Variants in KCNH8 observed in about 807,000 individuals in gnomAD.
KCNH8 encodes the protein potassium voltage-gated channel subfamily H member 8.
KCNH8 carries 70 observed loss-of-function variants against 103.6 expected under a neutral mutation model. That is an observed-to-expected ratio of 0.68 (90% CI 0.56 to 0.82). The LOEUF is 0.82. Ranked by LOEUF, KCNH8 falls within the 40% of genes least tolerant of loss-of-function variation. KCNH8 has a pLI of 0.00. For missense variants in KCNH8, 1,217 were observed against 1,329.9 expected (o/e 0.92, Z 1.32); for synonymous variants, 498 against 489.4 (o/e 1.02, Z -0.23).
intron 2 of KCNH8, among the ~76,000 whole-genome samples, chr3:19,257,798 A>C (rs373518834): frequency 3.3e-5 from 5 of 152,196 alleles, no homozygotes; most frequent in African/African-American, 9.6e-5. Context: ...GAGTGGCTTA[A>C]ACAACAGAAA....
At chr3:19,208,219 C>T (rs1447203575) in intron 1 of KCNH8, among the ~76,000 whole-genome samples, 4 of 151,946 alleles carry the variant, frequency 2.6e-5, no homozygotes, top group African/African-American at 4.8e-5. Context: ...AGGAGCTAAG[C>T]AAAATGCTGG....
intron 1 of KCNH8, among the ~76,000 whole-genome samples, chr3:19,161,713 A>G (rs2063236155): frequency 6.6e-6 from 1 of 152,186 alleles, no homozygotes; most frequent in East Asian, 1.9e-4. Context: ...GCAATTGTAA[A>G]TTTTTGTAGA....
rs1389583562 is a variant in KCNH8 at position 19,346,303 on chromosome 3, A to G, written c.571-1422A>G. Among the ~76,000 whole-genome samples the G allele has an allele frequency of 2.0e-5, 3 of 152,102 alleles. No individual in the cohort carries two copies. The East Asian group carries it at 5.8e-4, about 29-fold the overall frequency. On this transcript the variant is annotated intron_variant, in intron 4 of 15. Transcript: ENST00000328405. ...CATCTCCCCTTCTCTGTTTTATGCC[A>G]AAGTCTACCTTTGGAACTGGTTTCT... is the stretch of plus-strand genomic sequence containing the variant.
chr3:19,316,120 G>A (rs1360165477), intron 3 of KCNH8, among the ~76,000 whole-genome samples: 1 of 151,868 alleles, frequency 6.6e-6, no homozygotes, highest in African/African-American at 2.4e-5. Flanking sequence ...TAATTTTTTG[G>A]TTGAATTTTA....
chr3:19,395,535 A>G (rs79684319), intron 7 of KCNH8, among the ~76,000 whole-genome samples: 17,026 of 152,080 alleles, frequency 0.11, 1,189 homozygotes, highest in Middle Eastern at 0.2. Flanking sequence ...AAACTGAGAA[A>G]TTTTATATAT....
At chr3:19,246,274 G>GTTTTTTTTTTTTTTTTTTT (rs920423108) in intron 1 of KCNH8, among the ~76,000 whole-genome samples, 8 of 86,348 alleles carry the variant, frequency 9.3e-5, no homozygotes, top group Non-Finnish European at 1.6e-4. Flanking sequence ...TGTTGTTGTT[G>GTTTTTTTTTTTTTTTTTTT]TTTTTTTTTT....
chr3:19,308,215 A>G (rs1413398266), intron 3 of KCNH8, among the ~76,000 whole-genome samples: 1 of 151,808 alleles, frequency 6.6e-6, no homozygotes, highest in African/African-American at 2.4e-5. Context: ...CTACTTATAT[A>G]TTAGAAGGTC....
intron 1 of KCNH8, among the ~76,000 whole-genome samples, chr3:19,196,501 C>T (rs1370784441): frequency 4.0e-5 from 6 of 151,562 alleles, no homozygotes; most frequent in Non-Finnish European, 5.9e-5. Context: ...ACCTAGATTT[C>T]CTTTAGCACA....
intron 4 of KCNH8, among the ~76,000 whole-genome samples, chr3:19,345,922 T>G (rs1164077486): frequency 1.3e-5 from 2 of 152,122 alleles, no homozygotes; most frequent in Admixed American, 1.3e-4. Flanking sequence ...TGAACTTTTG[T>G]GACAGAATCA....
At chr3:19,455,420 G>A (rs908101425) in intron 10 of KCNH8, among the ~76,000 whole-genome samples, 1 of 152,034 alleles carries the variant, frequency 6.6e-6, no homozygotes, top group African/African-American at 2.4e-5. Flanking sequence ...CAATGAAAGA[G>A]TAACTGATTA....
At chr3:19,296,609 G>T (rs2064999509) in intron 3 of KCNH8, among the ~76,000 whole-genome samples, 2 of 152,138 alleles carry the variant, frequency 1.3e-5, no homozygotes, top group South Asian at 2.1e-4. Context: ...GGCATTAAAA[G>T]ATTCAGAAGT....
At chr3:19,436,874 T>G (rs2067207114) in intron 7 of KCNH8, among the ~76,000 whole-genome samples, 1 of 152,096 alleles carries the variant, frequency 6.6e-6, no homozygotes, top group Non-Finnish European at 1.5e-5. Flanking sequence ...CCAAATAAAT[T>G]CTTGGTTCGG....
chr3:19,490,837 C>T (rs908024084), intron 11 of KCNH8, among the ~76,000 whole-genome samples: 7 of 152,132 alleles, frequency 4.6e-5, no homozygotes, highest in African/African-American at 1.7e-4. Flanking sequence ...CACTGGGTTC[C>T]ATCCACCACC....
chr3:19,489,983 C>T (rs923379087), intron 11 of KCNH8, among the ~76,000 whole-genome samples: 5 of 152,214 alleles, frequency 3.3e-5, no homozygotes, highest in Non-Finnish European at 5.9e-5. Context: ...GATGTCCGGA[C>T]TCCAAGTGCC....
intron 5 of KCNH8, among the ~76,000 whole-genome samples, chr3:19,377,157 G>A (rs959980285): frequency 1.3e-5 from 2 of 152,216 alleles, no homozygotes; most frequent in Admixed American, 6.5e-5. Context: ...AGCTGTAGCA[G>A]CCAACAAAAA....
chr3:19,209,751 G>C (rs576735580), intron 1 of KCNH8, among the ~76,000 whole-genome samples: 45 of 151,980 alleles, frequency 3.0e-4, no homozygotes, highest in Non-Finnish European at 6.0e-4. Flanking sequence ...ACTTAACAGG[G>C]AGGCACTGCC....
chr3:19,185,322 G>C (rs1038387124), intron 1 of KCNH8, among the ~76,000 whole-genome samples: 2 of 151,864 alleles, frequency 1.3e-5, no homozygotes, highest in Non-Finnish European at 1.5e-5. Context: ...ATTCAGGTGA[G>C]TGTATAGTGT....
chr3:19,263,959 A>G (rs947375381), intron 2 of KCNH8, among the ~76,000 whole-genome samples: 7 of 152,064 alleles, frequency 4.6e-5, no homozygotes, highest in African/African-American at 2.4e-5. Context: ...AACTAAGTGT[A>G]TTCGAGAATG....
chr3:19,399,826 A>G (rs1430857980), intron 7 of KCNH8, among the ~76,000 whole-genome samples: 1 of 152,020 alleles, frequency 6.6e-6, no homozygotes, highest in East Asian at 1.9e-4. Context: ...ATCAGTCATG[A>G]TTCTTGATTG....
Sources: gnomAD v4.1 joint callset for allele counts (sites outside exome capture counted in the v4.1 genomes callset) on GRCh38, gnomAD v4.1.1 for gene constraint, MANE v1.5 for transcripts, NCBI Gene and HGNC (gene_info 2026-07-23, HGNC 2026-07-21) for gene names.